ASB7: variants seen among roughly 807,000 people sequenced by gnomAD.
The protein encoded by ASB7 is ankyrin repeat and SOCS box protein 7.
Under a neutral mutation model 32.5 loss-of-function variants are expected in ASB7, and 4 were observed. That is an observed-to-expected ratio of 0.12 (90% CI 0.06 to 0.28). ASB7 has a LOEUF of 0.28. ASB7 is among the 10% of genes least tolerant of loss of function. The pLI is 1.00. For synonymous variants in ASB7, 172 were observed against 155.6 expected, an observed-to-expected ratio of 1.11 and a Z score of -0.78; for missense variants, 181 against 407.1, an observed-to-expected ratio of 0.44 and a Z score of 4.78.
At chr15:100,611,481 A>ATTTTTTTTTTTTTTTTTTT (rs1188398570) in intron 3 of ASB7, among the ~76,000 whole-genome samples, 26 of 13,284 alleles carry the variant, frequency 2.0e-3, no homozygotes, top group Non-Finnish European at 3.0e-3. Context: ...GATTGTTTCG[A>ATTTTTTTTTTTTTTTTTTT]TTCTTTTTTT....
chr15:100,637,555 A>G (rs2039932651), intron 5 of ASB7, among the ~76,000 whole-genome samples: 1 of 152,246 alleles, frequency 6.6e-6, no homozygotes, highest in Admixed American at 6.5e-5. Flanking sequence ...GTAATGTGAC[A>G]ACAGTCATAC....
At chr15:100,637,507 C>T (rs965498280) in intron 5 of ASB7, among the ~76,000 whole-genome samples, 1 of 152,206 alleles carries the variant, frequency 6.6e-6, no homozygotes, top group Admixed American at 6.5e-5. Context: ...GGAAGATCCA[C>T]ATAACCCAAT....
intron 5 of ASB7, among the ~76,000 whole-genome samples, chr15:100,633,109 C>T (rs1192020776): frequency 6.6e-6 from 1 of 151,598 alleles, no homozygotes; most frequent in Non-Finnish European, 1.5e-5. Flanking sequence ...GGAGCCATAG[C>T]ACCTGCCTGA....
intron 5 of ASB7, among the ~76,000 whole-genome samples, chr15:100,635,578 T>C (rs2039916471): frequency 6.6e-6 from 1 of 152,170 alleles, no homozygotes; most frequent in Admixed American, 6.5e-5. Context: ...TGTCTTGGCT[T>C]TGGGCTTCCC....
At position 100,629,492 on chromosome 15, in the gene ASB7, C is replaced by T. The variant is rs1463721566; in HGVS notation, c.267C>T (p.Ala89=). The T allele has an allele frequency of 3.1e-6, 5 of 1,613,928 alleles. No individual in the cohort carries two copies. The highest frequency in any genetic ancestry group is 3.4e-6 in the Non-Finnish European group (4 of 1,179,766). The change falls in exon 5 of 6, where the codon GCC becomes GCT. Residue 89 remains alanine, a synonymous_variant. Coordinates refer to ENST00000332783, the MANE Select transcript of ASB7 (RefSeq NM_198243.3). The surrounding 1 kb of genome is among the most constrained non-coding windows in gnomAD (Gnocchi z 6.8). ...GCTTCACGGCTCTTCACTATGCAGC[C>T]ATGCATGGCCGGGCCCGCATTGCAC... ...IGGFTALHYA[A]MHGRARIARL...
chr15:100,646,429 G>T, intron 5 of ASB7: 1 of 433,996 alleles, frequency 2.3e-6, no homozygotes, highest in South Asian at 1.8e-5. Context: ...TTCTTTTAAG[G>T]AGGTGTTCTC....
chr15:100,615,494 T>G (rs1343388892), intron 4 of ASB7, among the ~76,000 whole-genome samples: 2 of 152,260 alleles, frequency 1.3e-5, no homozygotes, highest in Non-Finnish European at 2.9e-5. Context: ...TACTATCATT[T>G]GTTTATTCTC....
At chr15:100,639,243 A>G (rs180880291) in intron 5 of ASB7, among the ~76,000 whole-genome samples, 2 of 152,344 alleles carry the variant, frequency 1.3e-5, no homozygotes, top group East Asian at 3.9e-4. Context: ...AGGTACTTAA[A>G]CTAGGTGCTT....
At position 100,629,446 on chromosome 15, in the gene ASB7, C is replaced by G. The variant is rs776742647; in HGVS notation, c.221C>G (p.Thr74Arg). The G allele has an allele frequency of 1.9e-6, 3 of 1,606,370 alleles. No homozygotes were observed. The highest frequency in any genetic ancestry group is 3.4e-5 in the Admixed American group (2 of 59,652). The change falls in exon 5 of 6, where the codon ACA becomes AGA. Residue 74 changes from threonine (T) to arginine (R), a missense_variant. Thr to Arg is a moderately conservative substitution (Grantham distance 71). Coordinates refer to ENST00000332783, the MANE Select transcript of ASB7 (RefSeq NM_198243.3). The surrounding 1 kb of genome is among the most constrained non-coding windows in gnomAD (Gnocchi z 6.8). Reference sequence around the variant, plus strand: ...TTGGTTTTAACTCCAGCTGATCCTACAGTTAAAGACTTAATCGGAGGCTTC... The same window carrying G: ...TTGGTTTTAACTCCAGCTGATCCTAGAGTTAAAGACTTAATCGGAGGCTTC... ...RVFLEHGADP[T>R]VKDLIGGFTA...
intron 4 of ASB7, among the ~76,000 whole-genome samples, chr15:100,626,059 G>GA (rs576207381): frequency 6.6e-6 from 1 of 151,676 alleles, no homozygotes; most frequent in Non-Finnish European, 1.5e-5. Flanking sequence ...ATTCCTAGAA[G>GA]AAAAAAAATC....
chr15:100,645,210 A>G (rs2039989395), intron 5 of ASB7, among the ~76,000 whole-genome samples: 1 of 152,184 alleles, frequency 6.6e-6, no homozygotes, highest in African/African-American at 2.4e-5. Context: ...TAAATAGAGA[A>G]TGCAAGCCAC....
chr15:100,636,035 T>C (rs1303561209), intron 5 of ASB7, among the ~76,000 whole-genome samples: 1 of 151,984 alleles, frequency 6.6e-6, no homozygotes, highest in Non-Finnish European at 1.5e-5. Context: ...CACAGCTGAG[T>C]GGGGGGCTTC....
chr15:100,638,642 G>A (rs1460899912), intron 5 of ASB7, among the ~76,000 whole-genome samples: 3 of 152,288 alleles, frequency 2.0e-5, no homozygotes, highest in Non-Finnish European at 2.9e-5. Flanking sequence ...TGACGAGTGT[G>A]AACAACTTAC....
In ASB7 at chr15:100,603,046, G is replaced by C; in HGVS notation, c.-273G>C. 1 of 399,286 alleles carries C rather than the reference G, an allele frequency of 2.5e-6. No homozygotes were observed. Among genetic ancestry groups the C allele is most frequent in the Non-Finnish European group, 4.4e-6 (1 of 226,574 alleles). 24.7% of individuals were successfully genotyped at this position (399,286 alleles called of 1,614,324 possible). A position where few individuals can be genotyped will look rare whatever the true frequency, so the allele number is the denominator to read the frequency against. On this transcript the variant is annotated splice_region_variant and 5_prime_UTR_variant, in exon 1 of 6. Coordinates refer to ENST00000332783, the MANE Select transcript of ASB7 (RefSeq NM_198243.3). Reference sequence around the variant, plus strand: ...AAGAGAAGCAGCAGCTGAGGAGACAGGTAAAGTCCTTTACTTCCCCCGAGG... The same window carrying C: ...AAGAGAAGCAGCAGCTGAGGAGACACGTAAAGTCCTTTACTTCCCCCGAGG...
At chr15:100,644,953 G>A (rs1400637181) in intron 5 of ASB7, among the ~76,000 whole-genome samples, 2 of 152,232 alleles carry the variant, frequency 1.3e-5, no homozygotes, top group African/African-American at 4.8e-5. Flanking sequence ...AGACCACATA[G>A]CAAGTAACCT....
intron 5 of ASB7, among the ~76,000 whole-genome samples, chr15:100,648,022 T>A (rs1476660865): frequency 6.6e-6 from 1 of 152,186 alleles, no homozygotes; most frequent in Non-Finnish European, 1.5e-5. Context: ...ATCAAAACTG[T>A]TTTTGGTCTC....
chr15:100,642,031 A>G (rs2039965096), intron 5 of ASB7, among the ~76,000 whole-genome samples: 1 of 152,238 alleles, frequency 6.6e-6, no homozygotes, highest in South Asian at 2.1e-4. Context: ...CCATCATTAA[A>G]GGAAATTCTG....
chr15:100,651,029 T>G lies in ASB7; in HGVS notation c.*2567T>G, dbSNP rs2040028556. ...AACAGAACAGAAAATGTTCAGAATA[T>G]TTTCAAATTTGTCAGATTCTTTTAT... On this transcript the variant is annotated 3_prime_UTR_variant, in exon 6 of 6. Coordinates refer to ENST00000332783, the MANE Select transcript of ASB7 (RefSeq NM_198243.3). 6.6e-6 allele frequency: 1 copy of G among 152,214 alleles called. No individual in the cohort carries two copies. Among genetic ancestry groups the G allele is most frequent in the Admixed American group, 6.5e-5 (1 of 15,288 alleles). 9.4% of individuals were successfully genotyped at this position (152,214 alleles called of 1,614,324 possible). A position where few individuals can be genotyped will look rare whatever the true frequency, so the allele number is the denominator to read the frequency against.
At chr15:100,608,555 G>A (rs74039454) in intron 2 of ASB7, among the ~76,000 whole-genome samples, 4,736 of 152,154 alleles carry the variant, frequency 0.031, 229 homozygotes, top group African/African-American at 0.11. Context: ...CTCCCCCACC[G>A]TGGTGTCTTT....
Sources: gnomAD v4.1 joint callset for allele counts (sites outside exome capture counted in the v4.1 genomes callset) on GRCh38, gnomAD v4.1.1 for gene constraint, Gnocchi (gnomAD v3.1) non-coding constraint, MANE v1.5 for transcripts, NCBI Gene and HGNC (gene_info 2026-07-23, HGNC 2026-07-21) for gene names.